CTNND2: variants seen among roughly 807,000 people sequenced by gnomAD.
The protein encoded by CTNND2 is catenin delta 2, also known as catenin delta-2.
In CTNND2, 22 loss-of-function variants were observed where a neutral mutation model predicts 144.4. The observed-to-expected ratio is 0.15, with a 90% CI of 0.11 to 0.22. The LOEUF (loss-of-function observed/expected upper bound fraction) is 0.22, where lower values mean the gene tolerates loss of function less well. CTNND2 is among the 10% of genes least tolerant of loss of function. CTNND2 has a pLI of 1.00. For missense variants in CTNND2, 1,353 were observed against 1,618.8 expected, an observed-to-expected ratio of 0.84 and a Z score of 2.82; for synonymous variants, 751 against 695.6, an observed-to-expected ratio of 1.08 and a Z score of -1.25.
At chr5:11,830,615 A>G (rs1336083947) in intron 1 of CTNND2, among the ~76,000 whole-genome samples, 2 of 152,158 alleles carry the variant, frequency 1.3e-5, no homozygotes, top group Non-Finnish European at 2.9e-5. Context: ...TCTTGTATAA[A>G]TTACCCAGTC....
Position 11,454,534 on chromosome 5 carries a change from T to C in CTNND2, c.288-42465A>G, listed in dbSNP as rs144823781. Among the ~76,000 whole-genome samples the C allele has an allele frequency of 2.0e-5, 3 of 152,296 alleles. No homozygotes were observed. In the East Asian group the frequency reaches 5.8e-4, roughly 29 times the overall value. ...GTATTTGTTTAGAGGGATTTTTTGA[T>C]TGGTCTGCACTATGCACTCACAAGA... On this transcript the variant is annotated intron_variant, in intron 3 of 21. Transcript: ENST00000304623.
At chr5:11,184,343 T>C (rs1365231393) in intron 11 of CTNND2, among the ~76,000 whole-genome samples, 1 of 152,218 alleles carries the variant, frequency 6.6e-6, no homozygotes, top group Non-Finnish European at 1.5e-5. Context: ...ATGTTTGCTT[T>C]TAATTAACTG....
At chr5:11,213,456 G>A (rs557574359) in intron 10 of CTNND2, among the ~76,000 whole-genome samples, 6 of 152,216 alleles carry the variant, frequency 3.9e-5, no homozygotes, top group South Asian at 4.2e-4. Context: ...AAATCTGTCC[G>A]CAACAAGGCA....
At chr5:11,790,841 T>G (rs1267741468) in intron 1 of CTNND2, among the ~76,000 whole-genome samples, 1 of 152,130 alleles carries the variant, frequency 6.6e-6, no homozygotes, top group Non-Finnish European at 1.5e-5. Flanking sequence ...ACATAGCAAT[T>G]GTCACAGAAT....
chr5:11,782,195 A>G (rs1581875472), intron 1 of CTNND2, among the ~76,000 whole-genome samples: 1 of 152,246 alleles, frequency 6.6e-6, no homozygotes, highest in East Asian at 1.9e-4. Flanking sequence ...AACCATGTGG[A>G]TCTGTGAGTC....
At chr5:10,991,980 C>T (rs540464445) in intron 19 of CTNND2, among the ~76,000 whole-genome samples, 38 of 152,326 alleles carry the variant, frequency 2.5e-4, no homozygotes, top group African/African-American at 8.2e-4. Flanking sequence ...TGCAGTGGCG[C>T]GATCTCTGCT....
At chr5:11,132,946 C>T (rs575136286) in intron 12 of CTNND2, among the ~76,000 whole-genome samples, 1 of 149,914 alleles carries the variant, frequency 6.7e-6, no homozygotes, top group Non-Finnish European at 1.5e-5. Flanking sequence ...AGGCAAAGAA[C>T]AAGACAAATG....
chr5:11,265,065 T>C (rs951886462), intron 9 of CTNND2, among the ~76,000 whole-genome samples: 3 of 152,152 alleles, frequency 2.0e-5, no homozygotes, highest in Non-Finnish European at 2.9e-5. Context: ...CCATAAATTA[T>C]ATATTTTAGA....
chr5:11,173,025 T>C (rs1033412037), intron 11 of CTNND2, among the ~76,000 whole-genome samples: 7 of 152,230 alleles, frequency 4.6e-5, no homozygotes, highest in Non-Finnish European at 1.0e-4. Flanking sequence ...TGATGTTCAA[T>C]GATCAAATTC....
At chr5:11,652,515 A>G (rs1287621198) in intron 2 of CTNND2, among the ~76,000 whole-genome samples, 1 of 152,202 alleles carries the variant, frequency 6.6e-6, no homozygotes, top group Non-Finnish European at 1.5e-5. Flanking sequence ...TATTGTATTG[A>G]CATTTGTGAA....
intron 3 of CTNND2, among the ~76,000 whole-genome samples, chr5:11,535,084 A>G (rs1232660974): frequency 6.6e-6 from 1 of 150,592 alleles, no homozygotes; most frequent in African/African-American, 2.4e-5. Context: ...CCTACTTGGG[A>G]GGTTGAGGCA....
chr5:11,526,308 T>C (rs1240035274), intron 3 of CTNND2, among the ~76,000 whole-genome samples: 1 of 152,230 alleles, frequency 6.6e-6, no homozygotes, highest in African/African-American at 2.4e-5. Context: ...TTTGGTGATG[T>C]TTTTGTGACC....
At chr5:11,285,765 G>A (rs558409410) in intron 9 of CTNND2, among the ~76,000 whole-genome samples, 20 of 128,382 alleles carry the variant, frequency 1.6e-4, no homozygotes, top group Admixed American at 3.8e-4. Flanking sequence ...GCTCCTATAA[G>A]CCCAGGAGGC....
chr5:11,432,620 A>G (rs1173388667), intron 3 of CTNND2, among the ~76,000 whole-genome samples: 1 of 152,186 alleles, frequency 6.6e-6, no homozygotes, highest in Non-Finnish European at 1.5e-5. Flanking sequence ...GATTTCAACT[A>G]AACAGTGATA....
rs888616273 is a variant in CTNND2 at position 11,636,071 on chromosome 5, T to G, written c.175-71015A>C. Reference sequence around the variant, plus strand: ...CACACATTCATGATTCTACAGTAACTTGAATGGAATTTTAGAGAGAAGAAA... The same window carrying G: ...CACACATTCATGATTCTACAGTAACGTGAATGGAATTTTAGAGAGAAGAAA... On this transcript the variant is annotated intron_variant, in intron 2 of 21. Transcript: ENST00000304623. Among the ~76,000 whole-genome samples, 4 of 119,004 alleles carry G rather than the reference T, an allele frequency of 3.4e-5. No individual in the cohort carries two copies. In the East Asian group the frequency reaches 1.1e-3, roughly 33 times the overall value. The allele number at this position is 119,004 out of a possible 152,430, so 78.1% of individuals were successfully genotyped here. A position where few individuals can be genotyped will look rare whatever the true frequency, so the allele number is the denominator to read the frequency against.
chr5:11,404,889 C>G (rs2149828071), intron 5 of CTNND2, among the ~76,000 whole-genome samples: 1 of 152,054 alleles, frequency 6.6e-6, no homozygotes, highest in East Asian at 1.9e-4. Context: ...GGATTGCAGG[C>G]ATGAGCCACT....
At chr5:11,233,662 G>A (rs13360504) in intron 10 of CTNND2, among the ~76,000 whole-genome samples, 36,442 of 152,048 alleles carry the variant, frequency 0.24, 4,538 homozygotes, top group Middle Eastern at 0.33. Flanking sequence ...ATCTTGGAGT[G>A]AGGATGAGAG....
intron 3 of CTNND2, among the ~76,000 whole-genome samples, chr5:11,488,432 A>T (rs1769055643): frequency 6.6e-6 from 1 of 152,334 alleles, no homozygotes; most frequent in East Asian, 1.9e-4. Flanking sequence ...CATCGTAGAT[A>T]AAGAACATGT....
At chr5:11,067,565 G>C (rs932827165) in intron 16 of CTNND2, among the ~76,000 whole-genome samples, 1 of 152,178 alleles carries the variant, frequency 6.6e-6, no homozygotes, top group Non-Finnish European at 1.5e-5. Flanking sequence ...GCCAGGAAAA[G>C]CAGCACCTCC....
Sources: gnomAD v4.1 joint callset for allele counts (sites outside exome capture counted in the v4.1 genomes callset) on GRCh38, gnomAD v4.1.1 for gene constraint, MANE v1.5 for transcripts, NCBI Gene and HGNC (gene_info 2026-07-23, HGNC 2026-07-21) for gene names.